The following PTPRA variants were observed in gnomAD, a reference collection of about 807,000 sequenced individuals.
PTPRA encodes protein tyrosine phosphatase receptor type A.
In PTPRA, 25 loss-of-function variants were observed where a neutral mutation model predicts 104.8. The ratio of observed to expected loss-of-function variants is 0.24; its 90% confidence interval spans 0.17 to 0.33. The LOEUF is 0.33. PTPRA is among the 10% of genes least tolerant of loss of function. PTPRA has a pLI of 1.00. For synonymous variants in PTPRA, 323 were observed against 368.9 expected (o/e 0.88, Z 1.43); for missense variants, 765 against 1,015.3 (o/e 0.75, Z 3.35).
chr20:3,015,994 T>A, intron 12 of PTPRA, 109 bp downstream of exon 12: 1 of 1,105,498 alleles, frequency 9.0e-7, no homozygotes, highest in Non-Finnish European at 1.3e-6. Context: ...GTAGCTTTTC[T>A]GTACTTTTTA....
At chr20:2,915,094 A>G (rs552057082) in intron 1 of PTPRA, among the ~76,000 whole-genome samples, 6 of 148,758 alleles carry the variant, frequency 4.0e-5, no homozygotes, top group East Asian at 2.0e-4. Flanking sequence ...TTTTTTTTTT[A>G]AAGAGTTGGG....
rs939984335 is a variant in PTPRA at position 2,939,819 on chromosome 20, G to T, written c.-49-8163G>T. On this transcript the variant is annotated intron_variant, in intron 2 of 23. Coordinates refer to ENST00000399903, the MANE Select transcript of PTPRA (RefSeq NM_001385305.1). ...TCTAGAATGTTCGGTTATAATCGGT[G>T]GGAAGGGCTGGGCGCGGTGGCTGAC... Among the ~76,000 whole-genome samples the T allele has an allele frequency of 2.6e-5, 4 of 151,974 alleles. No homozygotes were observed. In the South Asian group the frequency reaches 8.3e-4, roughly 31 times the overall value.
At chr20:2,937,631 A>G (rs2060756214) in intron 2 of PTPRA, among the ~76,000 whole-genome samples, 1 of 152,190 alleles carries the variant, frequency 6.6e-6, no homozygotes. Flanking sequence ...ATATGCATAT[A>G]TAGACACACA....
chr20:3,025,452 CAA>C (rs11087563), intron 17 of PTPRA, among the ~76,000 whole-genome samples: 63,323 of 107,606 alleles, frequency 0.59, 15,917 homozygotes, highest in East Asian at 0.78. Flanking sequence ...GACTCCATCT[CAA>C]AAAAAAAAAA....
At chr20:3,011,843 G>A (rs574285701) in intron 11 of PTPRA, among the ~76,000 whole-genome samples, 1 of 152,322 alleles carries the variant, frequency 6.6e-6, no homozygotes, top group South Asian at 2.1e-4. Context: ...TCAGCAAAGA[G>A]CAGAGCAGCT....
intron 9 of PTPRA, among the ~76,000 whole-genome samples, chr20:3,000,024 G>A (rs1259676693): frequency 6.6e-6 from 1 of 152,170 alleles, no homozygotes; most frequent in South Asian, 2.1e-4. Context: ...AGTGGTTCAT[G>A]CCTGTAATCC....
At chr20:2,952,753 G>A (rs918996278) in intron 3 of PTPRA, among the ~76,000 whole-genome samples, 2 of 152,036 alleles carry the variant, frequency 1.3e-5, no homozygotes, top group African/African-American at 4.8e-5. Flanking sequence ...GGCAACCATC[G>A]TTCTGTTTTC....
In PTPRA at chr20:2,946,796, C is replaced by T. The variant is rs535034709; in HGVS notation, c.-49-1186C>T. On this transcript the variant is annotated intron_variant, in intron 2 of 23. Transcript: ENST00000399903. The stretch of plus-strand genomic sequence containing the variant: ...CCGGGAGGCAGAGGTTGCAGTGAGC[C>T]GAGATCACGCCACTGCACTCCAGCC... Among the ~76,000 whole-genome samples the T allele has an allele frequency of 5.3e-5, 8 of 151,360 alleles. No homozygotes were observed. In the East Asian group the frequency reaches 1.5e-3, roughly 29 times the overall value.
At chr20:2,865,817 T>C in the PTPRA span, 2 of 466,944 alleles carry the variant, frequency 4.3e-6, no homozygotes, top group Admixed American at 7.5e-5. The surrounding 1 kb of genome is among the most constrained non-coding windows in gnomAD (Gnocchi z 5.2). Context: ...AGGGTGCATA[T>C]GGGAGGCAGT....
rs200546809 is a variant in PTPRA at position 2,950,449 on chromosome 20, CAT to C, written c.-7+2426_-7+2427del. 0.015 allele frequency among the ~76,000 whole-genome samples: 2,317 copies of C among 151,444 alleles called. 24 individuals are homozygous for C. Among genetic ancestry groups the C allele is most frequent in the Middle Eastern group, 0.027 (8 of 294 alleles). ...GTCAAGAGATCGAGACCATCCTGGC[CAT>C]CATGGTGAAACCCCGTCTCTACTAA... is the stretch of plus-strand genomic sequence containing the variant. On this transcript the variant is annotated intron_variant, in intron 3 of 23. Coordinates refer to ENST00000399903, the MANE Select transcript of PTPRA (RefSeq NM_001385305.1). The surrounding 1 kb of genome is among the most constrained non-coding windows in gnomAD (Gnocchi z 4.0).
At chr20:2,958,611 A>G (rs955483110) in intron 3 of PTPRA, among the ~76,000 whole-genome samples, 5 of 143,836 alleles carry the variant, frequency 3.5e-5, no homozygotes, top group Admixed American at 1.4e-4. Context: ...ACTTGAGGTC[A>G]GGAGTTCAAG....
chr20:2,900,446 G>A (rs1378779525), intron 1 of PTPRA, among the ~76,000 whole-genome samples: 1 of 152,158 alleles, frequency 6.6e-6, no homozygotes, highest in African/African-American at 2.4e-5. Flanking sequence ...TTACATACAG[G>A]TAGTACTCAG....
chr20:2,919,839 A>G (rs2060039418), intron 1 of PTPRA, among the ~76,000 whole-genome samples: 1 of 152,228 alleles, frequency 6.6e-6, no homozygotes, highest in African/African-American at 2.4e-5. Flanking sequence ...CAGTTTTTGC[A>G]TAGCCCACAA....
intron 1 of PTPRA, among the ~76,000 whole-genome samples, chr20:2,911,074 A>T (rs556490658): frequency 6.6e-6 from 1 of 151,906 alleles, no homozygotes; most frequent in Non-Finnish European, 1.5e-5. Context: ...AATAATTTTG[A>T]TGTTAGGAAT....
chr20:2,870,585 C>T (rs1437379185), upstream of PTPRA, among the ~76,000 whole-genome samples: 1 of 152,234 alleles, frequency 6.6e-6, no homozygotes, highest in Non-Finnish European at 1.5e-5. Context: ...TTATTCCCTG[C>T]TGTGTCCAGC....
chr20:2,997,351 A>C (rs2063442153), intron 9 of PTPRA, among the ~76,000 whole-genome samples: 1 of 152,186 alleles, frequency 6.6e-6, no homozygotes, highest in African/African-American at 2.4e-5. Flanking sequence ...AATATTTTTA[A>C]AGCAGATTTT....
intron 9 of PTPRA, among the ~76,000 whole-genome samples, chr20:3,001,602 A>G (rs1306361355): frequency 6.6e-6 from 1 of 151,434 alleles, no homozygotes; most frequent in Non-Finnish European, 1.5e-5. Context: ...TGGAAATCTT[A>G]TGTGAAGGAA....
chr20:3,032,532 C>A (rs559836869), intron 20 of PTPRA, among the ~76,000 whole-genome samples: 22 of 152,074 alleles, frequency 1.4e-4, no homozygotes, highest in African/African-American at 2.4e-5. Flanking sequence ...CTTTGGGAGG[C>A]CAAGGTGGGC....
At chr20:2,919,882 G>C (rs1297503156) in intron 1 of PTPRA, among the ~76,000 whole-genome samples, 6 of 152,022 alleles carry the variant, frequency 3.9e-5, no homozygotes, top group Non-Finnish European at 8.8e-5. Context: ...TTGAGTGGTT[G>C]GAAAAATATC....
Sources: allele counts gnomAD v4.1 joint callset (sites outside exome capture counted in the v4.1 genomes callset), GRCh38; gene constraint gnomAD v4.1.1; non-coding constraint Gnocchi (gnomAD v3.1); transcripts MANE v1.5; gene names NCBI Gene and HGNC (gene_info 2026-07-23, HGNC 2026-07-21).